Variants in RIT2 observed in about 807,000 individuals in gnomAD.
The protein encoded by RIT2 is Ras like without CAAX 2.
In RIT2, 24 loss-of-function variants were observed where a neutral mutation model predicts 23.7. That is an observed-to-expected ratio of 1.01 (90% CI 0.73 to 1.43). The LOEUF is 1.43. Ranked by LOEUF, RIT2 falls within the 40% of genes most tolerant of loss-of-function variation. The pLI is 0.00. For synonymous variants in RIT2, 107 were observed against 91.1 expected (o/e 1.17, Z -0.99); for missense variants, 236 against 266.9 (o/e 0.88, Z 0.81).
chr18:42,851,928 G>A (rs900227256), intron 4 of RIT2, among the ~76,000 whole-genome samples: 1 of 152,150 alleles, frequency 6.6e-6, no homozygotes, highest in Non-Finnish European at 1.5e-5. Context: ...TGCTCTCTCA[G>A]GTATCTGAAG....
intron 2 of RIT2, among the ~76,000 whole-genome samples, chr18:43,020,014 A>T (rs1345762561): frequency 2.6e-5 from 4 of 152,044 alleles, no homozygotes; most frequent in Admixed American, 2.6e-4. Flanking sequence ...GCTGCAAAAC[A>T]CTGATGAAAG....
At chr18:42,886,425 TG>T (rs1908024423) in intron 4 of RIT2, among the ~76,000 whole-genome samples, 1 of 152,206 alleles carries the variant, frequency 6.6e-6, no homozygotes, top group Admixed American at 6.5e-5. Flanking sequence ...TAAATTGAGA[TG>T]TTCAGATTGT....
intron 4 of RIT2, among the ~76,000 whole-genome samples, chr18:42,817,074 C>A (rs1435096219): frequency 4.8e-5 from 7 of 146,542 alleles, no homozygotes; most frequent in African/African-American, 1.8e-4. Flanking sequence ...TGAAGTAAAA[C>A]TTTTTTTTTT....
At chr18:42,782,849 T>C (rs75259566) in intron 4 of RIT2, among the ~76,000 whole-genome samples, 12,000 of 152,116 alleles carry the variant, frequency 0.079, 578 homozygotes, top group Middle Eastern at 0.21. Flanking sequence ...TTATATATAC[T>C]GGGAAAATTT....
intron 4 of RIT2, among the ~76,000 whole-genome samples, chr18:42,806,126 T>C (rs1905677134): frequency 6.9e-6 from 1 of 144,778 alleles, no homozygotes; most frequent in Non-Finnish European, 1.5e-5. Flanking sequence ...TATATATATA[T>C]ATATTTTACA....
chr18:42,745,358 A>T (rs1912892835), intron 4 of RIT2, among the ~76,000 whole-genome samples: 1 of 152,194 alleles, frequency 6.6e-6, no homozygotes, highest in African/African-American at 2.4e-5. Flanking sequence ...CCAACTTTTT[A>T]AACTGTTACA....
At chr18:43,085,126 T>C (rs991988784) in intron 1 of RIT2, among the ~76,000 whole-genome samples, 2 of 152,004 alleles carry the variant, frequency 1.3e-5, no homozygotes, top group Non-Finnish European at 2.9e-5. Flanking sequence ...AAAGTATCTT[T>C]TTAAAAGTAT....
chr18:42,888,530 ATTT>A (rs566469483), intron 4 of RIT2, among the ~76,000 whole-genome samples: 1 of 141,984 alleles, frequency 7.0e-6, no homozygotes, highest in Non-Finnish European at 1.6e-5. Flanking sequence ...TTTTTTTTTT[ATTT>A]TTTTTCTTTT....
intron 4 of RIT2, among the ~76,000 whole-genome samples, chr18:42,893,288 T>A (rs1211554539): frequency 6.6e-6 from 1 of 151,402 alleles, no homozygotes; most frequent in Non-Finnish European, 1.5e-5. Context: ...ATAAAATACC[T>A]TAGTCTTGTT....
intron 1 of RIT2, among the ~76,000 whole-genome samples, chr18:43,046,453 A>G (rs986041674): frequency 1.3e-5 from 2 of 152,170 alleles, no homozygotes; most frequent in African/African-American, 4.8e-5. Context: ...CTCCACAGTA[A>G]ACATGCTTCG....
intron 1 of RIT2, among the ~76,000 whole-genome samples, chr18:43,068,447 A>T (rs1912820346): frequency 6.6e-6 from 1 of 152,106 alleles, no homozygotes; most frequent in Admixed American, 6.6e-5. Context: ...AAACCCAGGG[A>T]ACAGCAGCAA....
At chr18:42,826,473 CACCAATCA>C (rs914612519) in intron 4 of RIT2, among the ~76,000 whole-genome samples, 2 of 152,060 alleles carry the variant, frequency 1.3e-5, no homozygotes, top group African/African-American at 2.4e-5. Flanking sequence ...TATCTTCCCA[CACCAATCA>C]ACCAAACAAC....
intron 4 of RIT2, among the ~76,000 whole-genome samples, chr18:42,814,187 T>C (rs1390588187): frequency 6.6e-6 from 1 of 152,160 alleles, no homozygotes; most frequent in Non-Finnish European, 1.5e-5. Flanking sequence ...CTGAACTTCA[T>C]AATACTTGGA....
Position 42,819,016 on chromosome 18 carries a change from G to C in RIT2, c.427-75296C>G, listed in dbSNP as rs558400328. 4.6e-5 allele frequency among the ~76,000 whole-genome samples: 7 copies of C among 152,068 alleles called. No homozygotes were observed. The South Asian group carries it at 1.5e-3, about 32-fold the overall frequency. Reference sequence around the variant, plus strand: ...TTGCACAGAATTAAGGAGATGACAGGTCAATGCTATATCAAAGTTTAGATC... The same window carrying C: ...TTGCACAGAATTAAGGAGATGACAGCTCAATGCTATATCAAAGTTTAGATC... On this transcript the variant is annotated intron_variant, in intron 4 of 4. Transcript: ENST00000326695.
At chr18:43,102,582 T>C (rs974108153) in intron 1 of RIT2, among the ~76,000 whole-genome samples, 22 of 151,750 alleles carry the variant, frequency 1.4e-4, no homozygotes, top group African/African-American at 5.1e-4. Flanking sequence ...TTTCAAGGAA[T>C]GTGTACACTG....
chr18:42,937,234 G>T (rs754615107), intron 3 of RIT2, among the ~76,000 whole-genome samples: 1 of 152,078 alleles, frequency 6.6e-6, no homozygotes, highest in African/African-American at 2.4e-5. Context: ...CTCTGAAAAA[G>T]GCAATACTAG....
intron 1 of RIT2, among the ~76,000 whole-genome samples, chr18:43,061,807 C>T (rs1173950717): frequency 9.2e-5 from 14 of 152,162 alleles, no homozygotes; most frequent in Non-Finnish European, 1.5e-5. Context: ...AACTTCTACT[C>T]TGCCTTACTC....
At chr18:43,081,090 T>C (rs930739379) in intron 1 of RIT2, among the ~76,000 whole-genome samples, 4 of 152,176 alleles carry the variant, frequency 2.6e-5, no homozygotes, top group Admixed American at 2.6e-4. Context: ...GTCTCTGTTA[T>C]GTAAGAAATT....
chr18:43,039,949 C>T (rs575514765), intron 1 of RIT2, among the ~76,000 whole-genome samples: 6 of 152,100 alleles, frequency 3.9e-5, no homozygotes, highest in Non-Finnish European at 7.4e-5. Flanking sequence ...TTTAGTTTCT[C>T]TTCTTATCTA....
Sources: gnomAD v4.1 joint callset for allele counts (sites outside exome capture counted in the v4.1 genomes callset) on GRCh38, gnomAD v4.1.1 for gene constraint, MANE v1.5 for transcripts, NCBI Gene and HGNC (gene_info 2026-07-23, HGNC 2026-07-21) for gene names.